CPNE4: variants seen among roughly 807,000 people sequenced by gnomAD.
CPNE4 encodes copine-4.
In CPNE4, 25 loss-of-function variants were observed where a neutral mutation model predicts 67.9. The ratio of observed to expected loss-of-function variants is 0.37; its 90% CI spans 0.27 to 0.51. The LOEUF is 0.51. Among genes scored for constraint, CPNE4 ranks in the 20% least tolerant of loss-of-function variants. CPNE4 has a pLI of 0.93. For synonymous variants in CPNE4, 242 were observed against 244.9 expected, an observed-to-expected ratio of 0.99 and a Z score of 0.11; for missense variants, 464 against 690.8, an observed-to-expected ratio of 0.67 and a Z score of 3.68.
chr3:132,025,558 T>C (rs902189821), intron 1 of CPNE4, among the ~76,000 whole-genome samples: 1 of 152,200 alleles, frequency 6.6e-6, no homozygotes, highest in African/African-American at 2.4e-5. Context: ...CATACCTTCA[T>C]AAACACACTT....
chr3:131,554,482 C>T (rs1282990982), intron 12 of CPNE4, among the ~76,000 whole-genome samples: 1 of 151,998 alleles, frequency 6.6e-6, no homozygotes, highest in Non-Finnish European at 1.5e-5. Flanking sequence ...CTAATAAATG[C>T]TTCTAGAATT....
intron 7 of CPNE4, among the ~76,000 whole-genome samples, chr3:131,601,666 C>A (rs901573754): frequency 6.6e-6 from 1 of 152,064 alleles, no homozygotes. Flanking sequence ...AAGGGACAAC[C>A]GGATGGTGTA....
At chr3:132,003,709 C>T (rs2073515313) in intron 1 of CPNE4, among the ~76,000 whole-genome samples, 1 of 152,074 alleles carries the variant, frequency 6.6e-6, no homozygotes, top group Non-Finnish European at 1.5e-5. Context: ...TTTTAGTATG[C>T]TTCCTGAAGC....
chr3:131,606,700 C>T (rs908177072), intron 7 of CPNE4, among the ~76,000 whole-genome samples: 3 of 152,108 alleles, frequency 2.0e-5, no homozygotes, highest in Non-Finnish European at 2.9e-5. Context: ...ACTGGGCAAC[C>T]ATCATATCTG....
chr3:131,919,381 G>A (rs374045871), intron 1 of CPNE4, among the ~76,000 whole-genome samples: 8 of 152,272 alleles, frequency 5.3e-5, no homozygotes, highest in East Asian at 1.9e-4. Context: ...AATGAAAATG[G>A]AGGACAGTTT....
intron 7 of CPNE4, among the ~76,000 whole-genome samples, chr3:131,663,941 C>T (rs1234838882): frequency 6.6e-6 from 1 of 152,178 alleles, no homozygotes; most frequent in Non-Finnish European, 1.5e-5. Flanking sequence ...CTGGGCCTCT[C>T]TCCTACATAA....
intron 2 of CPNE4, among the ~76,000 whole-genome samples, chr3:131,780,407 G>A (rs1244004030): frequency 1.3e-5 from 2 of 152,080 alleles, no homozygotes. Context: ...ATTCACAATA[G>A]CAAAGACATG....
intron 2 of CPNE4, among the ~76,000 whole-genome samples, chr3:131,739,758 A>G (rs1483125593): frequency 1.3e-5 from 2 of 152,204 alleles, no homozygotes; most frequent in Admixed American, 6.5e-5. Context: ...TACAATCAAT[A>G]TCTTTACTTT....
chr3:131,655,663 G>C (rs908061734), intron 7 of CPNE4, among the ~76,000 whole-genome samples: 11 of 152,016 alleles, frequency 7.2e-5, no homozygotes, highest in Non-Finnish European at 1.6e-4. Context: ...GGGGCAGGGG[G>C]GTGGAGACAA....
At chr3:131,695,500 C>T (rs139557502) in intron 5 of CPNE4, among the ~76,000 whole-genome samples, 264 of 152,250 alleles carry the variant, frequency 1.7e-3, no homozygotes, top group Non-Finnish European at 2.9e-3. Context: ...GTAGAGAAAC[C>T]ATTATAAGCC....
At chr3:131,981,044 C>A (rs1583555138) in intron 1 of CPNE4, among the ~76,000 whole-genome samples, 1 of 152,092 alleles carries the variant, frequency 6.6e-6, no homozygotes, top group Non-Finnish European at 1.5e-5. Context: ...GTGATGTGAA[C>A]CGTCTATGGG....
intron 1 of CPNE4, among the ~76,000 whole-genome samples, chr3:131,980,978 C>G (rs2072891257): frequency 1.3e-5 from 2 of 152,124 alleles, no homozygotes; most frequent in South Asian, 4.1e-4. Flanking sequence ...GGTCTAGCCA[C>G]CCAGCAAGTC....
intron 1 of CPNE4, among the ~76,000 whole-genome samples, chr3:131,924,903 C>T (rs1404311413): frequency 6.6e-6 from 1 of 152,132 alleles, no homozygotes; most frequent in Non-Finnish European, 1.5e-5. Context: ...CAGCTCCCAC[C>T]TCTTCTTTGG....
chr3:131,907,585 T>TCACACACAAG (rs1306463002), intron 1 of CPNE4, among the ~76,000 whole-genome samples: 2 of 152,064 alleles, frequency 1.3e-5, no homozygotes, highest in African/African-American at 4.8e-5. Flanking sequence ...TTTATGTATT[T>TCACACACAAG]CACACACAAG....
chr3:131,857,340 C>T (rs1025836551), intron 2 of CPNE4, among the ~76,000 whole-genome samples: 2 of 151,982 alleles, frequency 1.3e-5, no homozygotes, highest in South Asian at 2.1e-4. Flanking sequence ...ATTAGGTAAA[C>T]GTGAAGAGTG....
chr3:131,613,113 G>C (rs1392418419), intron 7 of CPNE4, among the ~76,000 whole-genome samples: 1 of 152,194 alleles, frequency 6.6e-6, no homozygotes, highest in East Asian at 1.9e-4. Flanking sequence ...TTGGGTCAGA[G>C]TTAAGTGGGA....
In CPNE4 at chr3:131,799,335, A is replaced by C. The variant is rs1583217192; in HGVS notation, c.181-75710T>G. 3.9e-5 allele frequency among the ~76,000 whole-genome samples: 6 copies of C among 152,118 alleles called. No individual in the cohort carries two copies. The South Asian group carries it at 1.2e-3, about 31-fold the overall frequency. On this transcript the variant is annotated intron_variant, in intron 2 of 15. Transcript: ENST00000429747. ...TATTACCACTATTATAATCTCATTT[A>C]AGACGTGGCACCCAAGGAATTGGGT...
chr3:131,799,928 TGTGTG>T (rs1560339769), intron 2 of CPNE4, among the ~76,000 whole-genome samples: 2 of 38,518 alleles, frequency 5.2e-5, no homozygotes, highest in East Asian at 8.4e-4. Context: ...GTTGTGTGTG[TGTGTG>T]TGTGTGTGTG....
chr3:131,638,248 C>T (rs143859205), intron 7 of CPNE4, among the ~76,000 whole-genome samples: 1,834 of 152,074 alleles, frequency 0.012, 45 homozygotes, highest in African/African-American at 0.041. Flanking sequence ...TACAGAATGC[C>T]GGAATGGATA....
Sources: gnomAD v4.1 joint callset for allele counts (sites outside exome capture counted in the v4.1 genomes callset) on GRCh38, gnomAD v4.1.1 for gene constraint, MANE v1.5 for transcripts, NCBI Gene and HGNC (gene_info 2026-07-23, HGNC 2026-07-21) for gene names.